Variants in DCDC2 observed in about 807,000 individuals in gnomAD.
The protein encoded by DCDC2 is doublecortin domain containing 2.
In DCDC2, 40 loss-of-function variants were observed where a neutral mutation model predicts 50.2. That is an observed-to-expected ratio of 0.80 (90% CI 0.62 to 1.04). The LOEUF (loss-of-function observed/expected upper bound fraction) is 1.04, where lower values mean the gene tolerates loss of function less well. Among genes scored for constraint, DCDC2 ranks in the 50% least tolerant of loss-of-function variants. The pLI is 0.00. For synonymous variants in DCDC2, 234 were observed against 210.6 expected (o/e 1.11, Z -0.96); for missense variants, 570 against 581.9 (o/e 0.98, Z 0.21).
At chr6:24,232,524 T>G (rs929415202) in intron 7 of DCDC2, among the ~76,000 whole-genome samples, 6 of 152,190 alleles carry the variant, frequency 3.9e-5, no homozygotes, top group Non-Finnish European at 5.9e-5. Flanking sequence ...TCAGAGGACT[T>G]GAGAAAGTAA....
At chr6:24,176,637 GCT>G (rs1434720403) in intron 9 of DCDC2, among the ~76,000 whole-genome samples, 2 of 152,146 alleles carry the variant, frequency 1.3e-5, no homozygotes, top group African/African-American at 2.4e-5. Context: ...CTTCAAATCT[GCT>G]CTGTTAGTGA....
At chr6:24,291,976 A>G (rs1166329335) in intron 4 of DCDC2, among the ~76,000 whole-genome samples, 2 of 152,182 alleles carry the variant, frequency 1.3e-5, no homozygotes, top group African/African-American at 2.4e-5. Flanking sequence ...GCAGAACTGC[A>G]TAGCATTTGT....
upstream of DCDC2, among the ~76,000 whole-genome samples, chr6:24,360,961 C>T (rs2792666): frequency 6.6e-6 from 1 of 151,796 alleles, no homozygotes; most frequent in Non-Finnish European, 1.5e-5. Context: ...GATTAGAAAA[C>T]GAAAGAGAGA....
At chr6:24,284,746 G>A (rs377487050) in intron 6 of DCDC2, among the ~76,000 whole-genome samples, 5 of 151,816 alleles carry the variant, frequency 3.3e-5, no homozygotes, top group African/African-American at 7.3e-5. Flanking sequence ...CTGCCTCTCC[G>A]ATTTCATTCA....
rs1480426703 is a variant in DCDC2, at chr6:24,326,791, C to T, written c.349-24747G>A. ...GAAGGATTCCCTGAGCCTGGGAGAT[C>T]GAGGCTGAAGTGAGCCTTGATCATG... On this transcript the variant is annotated intron_variant, in intron 2 of 9. Coordinates refer to ENST00000378454, the MANE Select transcript of DCDC2 (RefSeq NM_016356.5). Among the ~76,000 whole-genome samples the T allele has an allele frequency of 6.9e-5, 10 of 145,782 alleles. 1 individual carries two copies. Among genetic ancestry groups the T allele is most frequent in the Non-Finnish European group, 1.4e-4 (9 of 66,254 alleles).
chr6:24,177,339 C>T (rs1760945628), intron 9 of DCDC2, among the ~76,000 whole-genome samples: 1 of 152,206 alleles, frequency 6.6e-6, no homozygotes, highest in Admixed American at 6.5e-5. Context: ...CGTACTGTTA[C>T]TGAAACCTGG....
At chr6:24,238,623 G>C (rs1032973737) in intron 7 of DCDC2, among the ~76,000 whole-genome samples, 1 of 152,068 alleles carries the variant, frequency 6.6e-6, no homozygotes, top group African/African-American at 2.4e-5. Flanking sequence ...TTTATAGTTA[G>C]GCTATAACCA....
intron 7 of DCDC2, among the ~76,000 whole-genome samples, chr6:24,264,621 T>A (rs2113808560): frequency 6.6e-6 from 1 of 151,132 alleles, no homozygotes; most frequent in East Asian, 2.0e-4. Context: ...AAAAAAAAAC[T>A]ACAACAGATA....
intron 7 of DCDC2, among the ~76,000 whole-genome samples, chr6:24,240,002 G>A (rs890565567): frequency 6.6e-6 from 1 of 152,176 alleles, no homozygotes; most frequent in South Asian, 2.1e-4. Context: ...GATGTACAAA[G>A]ATAAAAGAAA....
chr6:24,233,830 G>C (rs1247288190), intron 7 of DCDC2, among the ~76,000 whole-genome samples: 1 of 152,134 alleles, frequency 6.6e-6, no homozygotes, highest in African/African-American at 2.4e-5. Flanking sequence ...ACATATCTTT[G>C]TATATAGGAT....
intron 8 of DCDC2, among the ~76,000 whole-genome samples, chr6:24,197,796 T>G (rs1404025337): frequency 1.3e-5 from 2 of 152,164 alleles, no homozygotes; most frequent in Non-Finnish European, 2.9e-5. Context: ...AAAAATATCA[T>G]ATAGTAGTCA....
the DCDC2 span, among the ~76,000 whole-genome samples, chr6:24,375,251 G>GC: frequency 6.6e-6 from 1 of 152,102 alleles, no homozygotes; most frequent in African/African-American, 2.4e-5. Context: ...ATGCCCAGAG[G>GC]CCCCGTTAGA....
intron 4 of DCDC2, among the ~76,000 whole-genome samples, chr6:24,297,507 G>A (rs1759279049): frequency 2.0e-5 from 3 of 152,066 alleles, no homozygotes; most frequent in Non-Finnish European, 4.4e-5. Flanking sequence ...TCAAGTGTTT[G>A]AGCAACATAA....
chr6:24,252,353 G>A (rs1762811456), intron 7 of DCDC2, among the ~76,000 whole-genome samples: 1 of 152,096 alleles, frequency 6.6e-6, no homozygotes, highest in African/African-American at 2.4e-5. Context: ...AATTTCTAAA[G>A]TCCCACAACA....
intron 2 of DCDC2, among the ~76,000 whole-genome samples, chr6:24,318,780 CGT>C (rs57175093): frequency 1.2e-4 from 18 of 149,534 alleles, no homozygotes; most frequent in Non-Finnish European, 1.8e-4. Flanking sequence ...TATATACGTA[CGT>C]GTGTGTGTGT....
chr6:24,314,117 T>C (rs887142194), intron 2 of DCDC2, among the ~76,000 whole-genome samples: 4 of 152,178 alleles, frequency 2.6e-5, no homozygotes, highest in South Asian at 2.1e-4. Flanking sequence ...TCTCCAAAAA[T>C]ACTAAAGTGT....
Position 24,174,828 on chromosome 6 carries a change from C to A in DCDC2, c.1333G>T (p.Val445Leu). ...GGCCTTGGTGGTCTTTGAGGGTCTA[C>A]ATCAGCCTAGAAGAAAATAGATCAA... ...GAGSGQDEADVDPQRPPRPEV... is the reference protein window; with the variant it reads ...GAGSGQDEADLDPQRPPRPEV... Residue 445 changes from valine to leucine, a missense_variant, in exon 10 of 10, where the codon GTA becomes TTA. Val to Leu is a conservative substitution (Grantham distance 32, BLOSUM62 1). Transcript: ENST00000378454. 1.2e-6 allele frequency: 2 copies of A among 1,610,452 alleles called. No homozygotes were observed. Among genetic ancestry groups the A allele is most frequent in the South Asian group, 1.1e-5 (1 of 90,730 alleles).
chr6:24,282,252 TTTG>T (rs1298287430), intron 6 of DCDC2, among the ~76,000 whole-genome samples: 1 of 135,232 alleles, frequency 7.4e-6, no homozygotes, highest in East Asian at 2.1e-4. Flanking sequence ...TATTTTTTGT[TTTG>T]TTTTTTTTTG....
chr6:24,294,076 G>T (rs1763810058), intron 4 of DCDC2, among the ~76,000 whole-genome samples: 1 of 152,160 alleles, frequency 6.6e-6, no homozygotes, highest in African/African-American at 2.4e-5. Context: ...TCAAAAAGTT[G>T]CCTGGGCATG....
Sources: allele counts gnomAD v4.1 joint callset (sites outside exome capture counted in the v4.1 genomes callset), GRCh38; gene constraint gnomAD v4.1.1; transcripts MANE v1.5; gene names NCBI Gene and HGNC (gene_info 2026-07-23, HGNC 2026-07-21).